AJAP1: variants seen among roughly 807,000 people sequenced by gnomAD.
The protein encoded by AJAP1 is adherens junctions associated protein 1.
AJAP1 carries 5 observed loss-of-function variants against 35.0 expected under a neutral mutation model. That is an observed-to-expected ratio of 0.14 (90% confidence interval 0.07 to 0.30). The LOEUF (loss-of-function observed/expected upper bound fraction) is 0.30, where lower values mean the gene tolerates loss of function less well. AJAP1 is among the 10% of genes least tolerant of loss of function. The pLI is 1.00. For synonymous variants in AJAP1, 284 were observed against 249.3 expected (o/e 1.14, Z -1.31); for missense variants, 586 against 571.0 (o/e 1.03, Z -0.27).
At chr1:4,737,538 T>G (rs1399768064) in intron 2 of AJAP1, among the ~76,000 whole-genome samples, 3 of 150,828 alleles carry the variant, frequency 2.0e-5, no homozygotes, top group Admixed American at 2.0e-4. Context: ...TCCTTAGGCC[T>G]CTGCATAGGC....
intron 2 of AJAP1, among the ~76,000 whole-genome samples, chr1:4,737,505 C>A (rs1258008475): frequency 1.3e-5 from 2 of 151,992 alleles, no homozygotes; most frequent in African/African-American, 4.8e-5. Flanking sequence ...CGGAAGCCCC[C>A]CGAGATCTGC....
At chr1:4,751,940 C>T (rs1641328723) in intron 2 of AJAP1, among the ~76,000 whole-genome samples, 1 of 152,146 alleles carries the variant, frequency 6.6e-6, no homozygotes, top group South Asian at 2.1e-4. Context: ...GAGTCCCTGC[C>T]CACACCCCAC....
At chr1:4,679,808 GGTGTGTGTGTGTGTGT>G (rs60846836) in intron 1 of AJAP1, among the ~76,000 whole-genome samples, 53 of 142,416 alleles carry the variant, frequency 3.7e-4, no homozygotes, top group African/African-American at 9.8e-4. Flanking sequence ...GAACCAATAG[GGTGTGTGTGTGTGTGT>G]GTGTGTGTGT....
chr1:4,791,461 G>A lies in AJAP1; in HGVS notation c.*8976G>A, dbSNP rs1268834086. The A allele has an allele frequency of 6.6e-6, 1 of 152,190 alleles. No individual in the cohort carries two copies. The highest frequency in any genetic ancestry group is 2.1e-4 in the South Asian group (1 of 4,830). The allele number at this position is 152,190 out of a possible 1,614,324, so 9.4% of individuals were successfully genotyped here. A position where few individuals can be genotyped will look rare whatever the true frequency, so the allele number is the denominator to read the frequency against. On this transcript the variant is annotated 3_prime_UTR_variant, in exon 6 of 6. Transcript: ENST00000378191. ...TGTTCACGAAAGGCTGAATGAGTGG[G>A]GACAAGTCACAGAGATCTCGCCATG...
chr1:4,713,597 G>A (rs1640318661), intron 2 of AJAP1, among the ~76,000 whole-genome samples: 1 of 152,248 alleles, frequency 6.6e-6, no homozygotes, highest in African/African-American at 2.4e-5. Flanking sequence ...CAGGCCTGCG[G>A]GGAGAGCGCA....
intron 2 of AJAP1, among the ~76,000 whole-genome samples, chr1:4,740,397 T>TGGGGGAGGGGGA (rs1553159528): frequency 7.0e-6 from 1 of 142,914 alleles, no homozygotes; most frequent in Non-Finnish European, 1.5e-5. Context: ...GGGGACAGAG[T>TGGGGGAGGGGGA]TTCAGTTTTG....
intron 1 of AJAP1, among the ~76,000 whole-genome samples, chr1:4,699,847 G>A (rs1001059938): frequency 2.6e-5 from 4 of 152,188 alleles, no homozygotes; most frequent in African/African-American, 9.6e-5. Context: ...TTCCCCTAGG[G>A]TTACTGTGAG....
chr1:4,705,079 T>C (rs1394412374), intron 1 of AJAP1, among the ~76,000 whole-genome samples: 3 of 152,162 alleles, frequency 2.0e-5, no homozygotes, highest in Non-Finnish European at 4.4e-5. Context: ...ATAAGTAGGT[T>C]GCGAAAATTT....
chr1:4,772,426 A>G lies in AJAP1; in HGVS notation c.1064A>G (p.Gln355Arg), dbSNP rs776053536. 1.5e-5 allele frequency: 25 copies of G among 1,614,254 alleles called. 1 individual carries two copies. The East Asian group carries it at 3.3e-4, about 22-fold the overall frequency. Residue 355 changes from glutamine to arginine, a missense_variant, in exon 4 of 6, where the codon CAG becomes CGG. By Grantham distance (43) the Gln-to-Arg change is conservative. Coordinates refer to ENST00000378191, the MANE Select transcript of AJAP1 (RefSeq NM_018836.4). ...TTCACGGCCTATAACGAGACCCTGCAGTGTTCTCACGAGTGCGTCAGGGCA... is the reference window on the plus strand; with the variant it reads ...TTCACGGCCTATAACGAGACCCTGCGGTGTTCTCACGAGTGCGTCAGGGCA... Reference protein sequence around the residue: ...DIFTAYNETLQCSHECVRASV... With the variant: ...DIFTAYNETLRCSHECVRASV...
rs1169408897 is a variant in AJAP1 at position 4,695,577 on chromosome 1, T to TA, written c.30-16320dup. Reference sequence around the variant, plus strand: ...AGAAAGTACCACAGACTGAGTGGTTTAAAGAAGAGAAATGTGTTTCCTCGT... The same window carrying TA: ...AGAAAGTACCACAGACTGAGTGGTTTAAAAGAAGAGAAATGTGTTTCCTCGT... On this transcript the variant is annotated intron_variant, in intron 1 of 5. Coordinates refer to ENST00000378191, the MANE Select transcript of AJAP1 (RefSeq NM_018836.4). Among the ~76,000 whole-genome samples the TA allele has an allele frequency of 3.5e-4, 53 of 152,172 alleles. 1 individual carries two copies. Among genetic ancestry groups the TA allele is most frequent in the Admixed American group, 3.2e-3 (49 of 15,282 alleles).
chr1:4,737,045 A>G (rs1640941868), intron 2 of AJAP1, among the ~76,000 whole-genome samples: 1 of 152,198 alleles, frequency 6.6e-6, no homozygotes, highest in South Asian at 2.1e-4. Flanking sequence ...AACTCTCTGA[A>G]TGTACTGGAG....
At position 4,790,866 on chromosome 1, in the gene AJAP1, T is replaced by G. The variant is rs1298061385; in HGVS notation, c.*8381T>G. 2 of 152,232 alleles carry G rather than the reference T, an allele frequency of 1.3e-5. No individual in the cohort carries two copies. The highest frequency in any genetic ancestry group is 2.9e-5 in the Non-Finnish European group (2 of 68,030). The allele number at this position is 152,232 out of a possible 1,614,324, so 9.4% of individuals were successfully genotyped here. On this transcript the variant is annotated 3_prime_UTR_variant, in exon 6 of 6. Transcript: ENST00000378191. ...GAAACATTGAGATTTGGCAGAAACA[T>G]GTGCCTAGTTTGCAGCACCAAATAC...
At chr1:4,768,030 A>G (rs942306772) in intron 2 of AJAP1, among the ~76,000 whole-genome samples, 1 of 152,254 alleles carries the variant, frequency 6.6e-6, no homozygotes, top group African/African-American at 2.4e-5. Flanking sequence ...CTGTTGCATA[A>G]CTTAGCTTTC....
chr1:4,675,859 GGA>G (rs1639350836), intron 1 of AJAP1, among the ~76,000 whole-genome samples: 1 of 152,236 alleles, frequency 6.6e-6, no homozygotes, highest in Non-Finnish European at 1.5e-5. Flanking sequence ...GGAAATTTTA[GGA>G]GAGAAGATGG....
chr1:4,747,659 C>A (rs1225897814), intron 2 of AJAP1, among the ~76,000 whole-genome samples: 1 of 152,176 alleles, frequency 6.6e-6, no homozygotes, highest in African/African-American at 2.4e-5. Flanking sequence ...CACAGTTAGG[C>A]TGAGTCTAAG....
At chr1:4,780,469 A>C (rs1176290202) in intron 5 of AJAP1, among the ~76,000 whole-genome samples, 1 of 152,012 alleles carries the variant, frequency 6.6e-6, no homozygotes, top group Admixed American at 6.6e-5. Flanking sequence ...GTGTTGTAAT[A>C]ATTACTTCAT....
intron 2 of AJAP1, among the ~76,000 whole-genome samples, chr1:4,739,431 C>T (rs1570177115): frequency 1.3e-5 from 2 of 152,200 alleles, no homozygotes; most frequent in South Asian, 4.1e-4. Context: ...GAATGCAGTC[C>T]ACCCCCTACC....
At chr1:4,718,777 G>A (rs187705187) in intron 2 of AJAP1, among the ~76,000 whole-genome samples, 150 of 152,218 alleles carry the variant, frequency 9.9e-4, no homozygotes, top group Admixed American at 2.6e-3. Context: ...CACCACGCCC[G>A]GCCTCCTAAG....
intron 1 of AJAP1, among the ~76,000 whole-genome samples, chr1:4,704,110 T>C (rs1396154176): frequency 2.0e-5 from 3 of 151,634 alleles, no homozygotes; most frequent in African/African-American, 4.8e-5. Flanking sequence ...CCCCTTACAC[T>C]AGCCAGTCCT....
Sources: allele counts gnomAD v4.1 joint callset (sites outside exome capture counted in the v4.1 genomes callset), GRCh38; gene constraint gnomAD v4.1.1; transcripts MANE v1.5; gene names NCBI Gene and HGNC (gene_info 2026-07-23, HGNC 2026-07-21).